Variants in ERC1 observed in about 807,000 individuals in gnomAD.
ERC1 encodes the protein ELKS/RAB6-interacting/CAST family member 1, also known as RAB6 interacting protein 2.
ERC1 carries 56 observed loss-of-function variants against 132.0 expected under a neutral mutation model. The observed-to-expected ratio is 0.42, with a 90% CI of 0.34 to 0.53. ERC1 has a LOEUF of 0.53. ERC1 is among the 20% of genes least tolerant of loss of function. The pLI, the probability that ERC1 is intolerant of heterozygous loss-of-function variation, is 0.03. For synonymous variants in ERC1, 478 were observed against 476.1 expected (o/e 1.00, Z -0.05); for missense variants, 1,202 against 1,349.9 (o/e 0.89, Z 1.72).
chr12:1,070,529 TTCC>T (rs1940150920), intron 2 of ERC1, among the ~76,000 whole-genome samples: 1 of 152,082 alleles, frequency 6.6e-6, no homozygotes, highest in Non-Finnish European at 1.5e-5. Flanking sequence ...CAAGCAGTCC[TTCC>T]TCCTCGGCTT....
At chr12:1,355,052 T>A (rs2085390179) in intron 15 of ERC1, among the ~76,000 whole-genome samples, 1 of 152,188 alleles carries the variant, frequency 6.6e-6, no homozygotes, top group South Asian at 2.1e-4. Context: ...CAGTTAAGTT[T>A]GGAAAATACT....
chr12:1,116,481 A>C (rs1056107992), intron 7 of ERC1, among the ~76,000 whole-genome samples: 2 of 152,208 alleles, frequency 1.3e-5, no homozygotes, highest in Non-Finnish European at 2.9e-5. Context: ...GAATCTGTTA[A>C]AGTTCTAGAT....
intron 18 of ERC1, among the ~76,000 whole-genome samples, chr12:1,485,411 G>A (rs555339709): frequency 6.6e-6 from 1 of 150,944 alleles, no homozygotes; most frequent in Non-Finnish European, 1.5e-5. Flanking sequence ...CACCACATTG[G>A]CCAGGCTGGT....
intron 15 of ERC1, among the ~76,000 whole-genome samples, chr12:1,331,818 A>G (rs747954592): frequency 6.6e-6 from 1 of 152,086 alleles, no homozygotes; most frequent in Non-Finnish European, 1.5e-5. Flanking sequence ...CCATTTATGC[A>G]CCACACATAC....
intron 13 of ERC1, among the ~76,000 whole-genome samples, chr12:1,260,578 T>G (rs1484893249): frequency 6.6e-6 from 1 of 152,200 alleles, no homozygotes; most frequent in African/African-American, 2.4e-5. Flanking sequence ...AAATAGGAGA[T>G]TCAAGCTGTG....
At chr12:1,091,635 A>G (rs1593224118) in intron 3 of ERC1, among the ~76,000 whole-genome samples, 1 of 152,208 alleles carries the variant, frequency 6.6e-6, no homozygotes, top group African/African-American at 2.4e-5. Flanking sequence ...GAGAAAAAGT[A>G]CCTGCCTTTA....
At chr12:1,420,534 C>G (rs1436214259) in intron 17 of ERC1, among the ~76,000 whole-genome samples, 3 of 152,194 alleles carry the variant, frequency 2.0e-5, no homozygotes, top group South Asian at 2.1e-4. Flanking sequence ...CGGCTCGCTA[C>G]AAGCTCTGCC....
rs1487524930 is a variant in ERC1, at chr12:1,386,037, T to C, written c.2925+14060T>C. On this transcript the variant is annotated intron_variant, in intron 16 of 18. Transcript: ENST00000360905. ...AGCTTCTTGCAATGCAGCCCTTTTT[T>C]TTTTTTTTTTTTTTTTTTTTGAGAC... The C allele has an allele frequency of 1.2e-4, 6 of 49,518 alleles. No homozygotes were observed. The African/African-American group carries it at 2.9e-3, about 24-fold the overall frequency. 3.1% of individuals were successfully genotyped at this position (49,518 alleles called of 1,614,324 possible). A position where few individuals can be genotyped will look rare whatever the true frequency, so the allele number is the denominator to read the frequency against.
chr12:1,212,971 G>A (rs985528708), intron 12 of ERC1, among the ~76,000 whole-genome samples: 1 of 152,198 alleles, frequency 6.6e-6, no homozygotes, highest in Non-Finnish European at 1.5e-5. Flanking sequence ...TTAGCAGGCT[G>A]TCAAAGCTTA....
intron 17 of ERC1, chr12:1,444,036 G>A (rs1008536737): frequency 6.6e-6 from 1 of 152,578 alleles, no homozygotes; most frequent in Non-Finnish European, 1.5e-5. Flanking sequence ...AATTCGTAAT[G>A]AGTTCCCTCA....
At chr12:1,288,283 G>T (rs886403472) in intron 14 of ERC1, among the ~76,000 whole-genome samples, 3 of 151,986 alleles carry the variant, frequency 2.0e-5, no homozygotes, top group African/African-American at 7.2e-5. Context: ...TTTTTTGTTT[G>T]TTTGTTTGTT....
At chr12:1,485,203 T>TTC (rs1178331752) in intron 18 of ERC1, among the ~76,000 whole-genome samples, 1 of 122,536 alleles carries the variant, frequency 8.2e-6, no homozygotes, top group Non-Finnish European at 1.6e-5. Flanking sequence ...TTATATTTCT[T>TTC]TTTTTTTTTT....
chr12:1,316,323 G>C (rs1430399936), intron 15 of ERC1, among the ~76,000 whole-genome samples: 6 of 151,990 alleles, frequency 3.9e-5, no homozygotes, highest in African/African-American at 1.5e-4. Context: ...TCTTTTCTCT[G>C]TTAACCATGC....
intron 11 of ERC1, among the ~76,000 whole-genome samples, chr12:1,185,509 T>G (rs1954981000): frequency 8.3e-6 from 1 of 120,010 alleles, no homozygotes; most frequent in Non-Finnish European, 1.7e-5. Context: ...GTACTTTTCT[T>G]TCTTTCTTTT....
chr12:1,367,520 C>T (rs901859859), intron 15 of ERC1, among the ~76,000 whole-genome samples: 11 of 152,118 alleles, frequency 7.2e-5, no homozygotes, highest in African/African-American at 2.4e-4. Flanking sequence ...TTTTTAACCA[C>T]CATATCACAA....
chr12:1,122,763 A>G (rs907720807), intron 7 of ERC1, among the ~76,000 whole-genome samples: 1 of 11,980 alleles, frequency 8.3e-5, no homozygotes, highest in Non-Finnish European at 3.7e-4. Flanking sequence ...AGGGCTTAGA[A>G]TCTTTTTCAG....
intron 13 of ERC1, chr12:1,244,544 C>T (rs2076041647): frequency 9.0e-6 from 4 of 446,142 alleles, no homozygotes; most frequent in South Asian, 6.3e-5. Context: ...GTTTTTAAGA[C>T]AGGGTCTTGC....
chr12:1,129,941 C>A (rs1948598025), intron 7 of ERC1, among the ~76,000 whole-genome samples: 1 of 151,926 alleles, frequency 6.6e-6, no homozygotes, highest in African/African-American at 2.4e-5. Flanking sequence ...CCGTTACAGC[C>A]AAAACTCGCA....
chr12:1,481,303 A>G (rs947689023), intron 18 of ERC1, among the ~76,000 whole-genome samples: 2 of 152,268 alleles, frequency 1.3e-5, no homozygotes, highest in Non-Finnish European at 2.9e-5. Context: ...TGTATAACAC[A>G]TTGATCTAAG....
Sources: allele counts gnomAD v4.1 joint callset (sites outside exome capture counted in the v4.1 genomes callset), GRCh38; gene constraint gnomAD v4.1.1; transcripts MANE v1.5; gene names NCBI Gene and HGNC (gene_info 2026-07-23, HGNC 2026-07-21).